Variants in PEAK3 observed in about 807,000 individuals in gnomAD.
PEAK3 encodes the protein protein PEAK3.
Under a neutral mutation model 13.3 loss-of-function variants are expected in PEAK3, and 15 were observed. The ratio of observed to expected loss-of-function variants is 1.13; its 90% CI spans 0.75 to 1.73. PEAK3 has a LOEUF of 1.73. Among genes scored for constraint, PEAK3 ranks in the 40% most tolerant of loss-of-function variants. The probability of loss-of-function intolerance (pLI) is 0.00; values close to 1 mark genes in which losing one functional copy is unlikely to be tolerated. For synonymous variants in PEAK3, 347 were observed against 341.9 expected, an observed-to-expected ratio of 1.01 and a Z score of -0.17; for missense variants, 739 against 690.2, an observed-to-expected ratio of 1.07 and a Z score of -0.79.
intron 3 of PEAK3, among the ~76,000 whole-genome samples, chr19:2,277,998 G>A (rs922054715): frequency 6.6e-6 from 1 of 151,310 alleles, no homozygotes; most frequent in Non-Finnish European, 1.5e-5. Context: ...CAAATAGCTG[G>A]GACTACAGGT....
rs1742647589 is a variant in PEAK3, at chr19:2,275,785, GGCCCGCTCTGCTAGGCGCAGGACCAGCA to G, written c.1289_1316del (p.Leu430ProfsTer120). On this transcript the variant is annotated frameshift_variant, in exon 4 of 4. Transcript: ENST00000342063. LOFTEE classifies it low-confidence loss of function (END_TRUNC). The stretch of plus-strand genomic sequence containing the variant: ...CGAGGCTGGGAGCTTCCCCACCTGC[GGCCCGCTCTGCTAGGCGCAGGACCAGCA>G]GCCCGCGGCGCACCCGCAGCCAGGG... 13 of 1,571,190 alleles carry G rather than the reference GGCCCGCTCTGCTAGGCGCAGGACCAGCA, an allele frequency of 8.3e-6. No individual in the cohort carries two copies. Among genetic ancestry groups the G allele is most frequent in the Middle Eastern group, 3.4e-4 (2 of 5,882 alleles).
chr19:2,280,151 C>A (rs1336597863), intron 2 of PEAK3, among the ~76,000 whole-genome samples: 1 of 146,142 alleles, frequency 6.8e-6, no homozygotes, highest in African/African-American at 2.5e-5. Context: ...CACCCTCTGC[C>A]TCACAGGTTC....
intron 3 of PEAK3, among the ~76,000 whole-genome samples, chr19:2,277,941 G>A (rs951020999): frequency 3.4e-5 from 5 of 148,966 alleles, no homozygotes; most frequent in South Asian, 2.1e-4. Flanking sequence ...TCGGCTCACC[G>A]CAAGCTCTGC....
At position 2,278,698 on chromosome 19, in the gene PEAK3, G is replaced by C; in HGVS notation, c.498C>G (p.His166Gln). 1 of 1,527,196 alleles carries C rather than the reference G, an allele frequency of 6.5e-7. No homozygotes were observed. The highest frequency in any genetic ancestry group is 2.3e-5 in the East Asian group (1 of 43,638). 94.6% of individuals were successfully genotyped at this position (1,527,196 alleles called of 1,614,324 possible). ...RLMGGHPGPC[H>Q]PGHSFRLLDS... ...CTAGGAGGCGGAAGCTGTGGCCGGGGTGGCAGGGCCCGGGGTGGCCCCCCA... is the reference window on the plus strand; with the variant it reads ...CTAGGAGGCGGAAGCTGTGGCCGGGCTGGCAGGGCCCGGGGTGGCCCCCCA... Residue 166 changes from histidine (H) to glutamine (Q), a missense_variant, in exon 3 of 4, where the codon CAC becomes CAG. By Grantham distance (24) the His-to-Gln change is conservative. Transcript: ENST00000342063.
At chr19:2,279,372 C>T (rs1301576428) in intron 2 of PEAK3, among the ~76,000 whole-genome samples, 2 of 151,994 alleles carry the variant, frequency 1.3e-5, no homozygotes, top group African/African-American at 2.4e-5. Context: ...ATTTGCCGGA[C>T]GCGGCCATGC....
In PEAK3 at chr19:2,278,656, T is replaced by C. The variant is rs1367080461; in HGVS notation, c.540A>G (p.Ala180=). ...SFRLLDSSPC[A]ESGDALYYRV... is the part of the protein sequence containing the mutation. ...GGTAATACAGGGCGTCCCCGCTCTC[T>C]GCGCAGGGTGAGCTGTCTAGGAGGC... The change falls in exon 3 of 4, where the codon GCA becomes GCG. Residue 180 remains alanine (A), a synonymous_variant. Transcript: ENST00000342063. 4.0e-6 allele frequency: 6 copies of C among 1,511,724 alleles called. No individual in the cohort carries two copies. Among genetic ancestry groups the C allele is most frequent in the Admixed American group, 4.5e-5 (2 of 44,346 alleles). The allele number at this position is 1,511,724 out of a possible 1,614,324, so 93.6% of individuals were successfully genotyped here.
Position 2,275,585 on chromosome 19 carries a change from A to G in PEAK3, c.*95T>C. The G allele has an allele frequency of 8.8e-7, 1 of 1,135,446 alleles. No individual in the cohort carries two copies. The highest frequency in any genetic ancestry group is 1.2e-6 in the Non-Finnish European group (1 of 867,350). 70.3% of individuals were successfully genotyped at this position (1,135,446 alleles called of 1,614,324 possible). A position where few individuals can be genotyped will look rare whatever the true frequency, so the allele number is the denominator to read the frequency against. On this transcript the variant is annotated 3_prime_UTR_variant, in exon 4 of 4. Coordinates refer to ENST00000342063, the MANE Select transcript of PEAK3 (RefSeq NM_198532.3). ...CTGCTGCGCTCCTGGACTCTGCAGG[A>G]AGAGGGTGTCTTGGCTATCATGGAG...
At chr19:2,279,714 C>T (rs538024657) in intron 2 of PEAK3, among the ~76,000 whole-genome samples, 106 of 151,754 alleles carry the variant, frequency 7.0e-4, no homozygotes, top group Non-Finnish European at 1.4e-3. Flanking sequence ...CAGCACTCAG[C>T]GACTCCCACT....
rs1271232956 is a variant in PEAK3 at position 2,275,761 on chromosome 19, G to T, written c.1341C>A (p.Leu447=). The change falls in exon 4 of 4, where the codon CTC becomes CTA. Residue 447 remains leucine, a synonymous_variant. Coordinates refer to ENST00000342063, the MANE Select transcript of PEAK3 (RefSeq NM_198532.3). ...ERAAGGEAPS[L]EDWLCCEYLA... ...GGTATTCGCAACACAGCCAGTCCTC[G>T]AGGCTGGGAGCTTCCCCACCTGCGG... The T allele has an allele frequency of 6.3e-7, 1 of 1,583,264 alleles. No individual in the cohort carries two copies. The highest frequency in any genetic ancestry group is 2.4e-5 in the East Asian group (1 of 42,208).
chr19:2,277,546 TCTTTTTTCTTCTCTTTTG>T (rs2025401697), intron 3 of PEAK3, among the ~76,000 whole-genome samples: 1 of 152,128 alleles, frequency 6.6e-6, no homozygotes, highest in African/African-American at 2.4e-5. Flanking sequence ...TCTTTTCTTT[TCTTTTTTCTTCTCTTTTG>T]TTTTTCTTTT....
Position 2,279,037 on chromosome 19 carries a change from C to A in PEAK3, c.159G>T (p.Glu53Asp), listed in dbSNP as rs749256901. The change falls in exon 3 of 4, where the codon GAG becomes GAT. Residue 53 changes from glutamate to aspartate, a missense_variant. Coordinates refer to ENST00000342063, the MANE Select transcript of PEAK3 (RefSeq NM_198532.3). ...TCTTGGGCAGGGGTGGGGGCAGGGG[C>A]TCTGGGTTGGTGGAGAGGGACCCAG... is the stretch of plus-strand genomic sequence containing the variant. ...RTPGSLSTNP[E>D]PLPPPLPKKI... 8 of 1,517,314 alleles carry A rather than the reference C, an allele frequency of 5.3e-6. No homozygotes were observed. The Admixed American group carries it at 6.3e-5, about 12-fold the overall frequency. 94.0% of individuals were successfully genotyped at this position (1,517,314 alleles called of 1,614,324 possible).
Position 2,275,755 on chromosome 19 carries a change from G to A in PEAK3, c.1347C>T (p.Asp449=). The A allele has an allele frequency of 6.3e-7, 1 of 1,583,434 alleles. No homozygotes were observed. Among genetic ancestry groups the A allele is most frequent in the Non-Finnish European group, 8.6e-7 (1 of 1,167,848 alleles). ...CGGCCAGGTATTCGCAACACAGCCA[G>A]TCCTCGAGGCTGGGAGCTTCCCCAC... ...AAGGEAPSLE[D]WLCCEYLAEA... is the part of the protein sequence containing the mutation. The change falls in exon 4 of 4, where the codon GAC becomes GAT. Residue 449 remains aspartate (D), a synonymous_variant. Coordinates refer to ENST00000342063, the MANE Select transcript of PEAK3 (RefSeq NM_198532.3).
Position 2,278,852 on chromosome 19 carries a change from C to A in PEAK3, c.344G>T (p.Gly115Val), listed in dbSNP as rs753086264. The change falls in exon 3 of 4, where the codon GGC becomes GTC. Residue 115 changes from glycine to valine, a missense_variant. By Grantham distance (109) the Gly-to-Val change is moderately radical. Coordinates refer to ENST00000342063, the MANE Select transcript of PEAK3 (RefSeq NM_198532.3). Reference sequence around the variant, plus strand: ...GAGGCCCAGTGGGGCGTCAGCCGGGCCAAAGGTCAGCTCTGCAGGGAGACA... The same window carrying A: ...GAGGCCCAGTGGGGCGTCAGCCGGGACAAAGGTCAGCTCTGCAGGGAGACA... ...PACLPAELTF[G>V]PADAPLGLSL... The A allele has an allele frequency of 3.8e-6, 6 of 1,597,524 alleles. No individual in the cohort carries two copies. The highest frequency in any genetic ancestry group is 5.1e-6 in the Non-Finnish European group (6 of 1,172,570).
chr19:2,278,098 C>A (rs1395636121), intron 3 of PEAK3, among the ~76,000 whole-genome samples: 1 of 151,150 alleles, frequency 6.6e-6, no homozygotes, highest in African/African-American at 2.4e-5. Context: ...CTCCTGACCT[C>A]GTGATCTGCC....
intron 3 of PEAK3, among the ~76,000 whole-genome samples, chr19:2,277,351 TA>T (rs573870590): frequency 5.3e-5 from 8 of 151,952 alleles, no homozygotes; most frequent in Non-Finnish European, 8.8e-5. Context: ...TCTGGCTGTG[TA>T]AAGGTGAGTA....
rs532315823 is a variant in PEAK3, at chr19:2,275,983, G to A, written c.1119C>T (p.Gly373=). The change falls in exon 4 of 4, where the codon GGC becomes GGT. Residue 373 remains glycine, a synonymous_variant. Coordinates refer to ENST00000342063, the MANE Select transcript of PEAK3 (RefSeq NM_198532.3). The part of the protein sequence containing the change: ...AAPSTTPLAA[G]LELLAAQLTR... ...TCAGCTGTGCTGCCAGGAGCTCCAG[G>A]CCCGCGGCCAAAGGCGTGGTCGAGG... The A allele has an allele frequency of 1.7e-4, 236 of 1,415,482 alleles. 3 individuals are homozygous for A. In the South Asian group the frequency reaches 3.3e-3, roughly 20 times the overall value. 87.7% of individuals were successfully genotyped at this position (1,415,482 alleles called of 1,614,324 possible).
In PEAK3 at chr19:2,274,838, G is replaced by A. The variant is rs1171264878; in HGVS notation, c.*842C>T. ...ATACAAAAAATTAGCCGGGCGTGGT[G>A]GCGGGCGCCTGTAGTCCCAGCTACT... On this transcript the variant is annotated 3_prime_UTR_variant, in exon 4 of 4. Coordinates refer to ENST00000342063, the MANE Select transcript of PEAK3 (RefSeq NM_198532.3). The A allele has an allele frequency of 1.3e-5, 2 of 150,408 alleles. No homozygotes were observed. Among genetic ancestry groups the A allele is most frequent in the Middle Eastern group, 3.2e-3 (1 of 316 alleles). 9.3% of individuals were successfully genotyped at this position (150,408 alleles called of 1,614,324 possible). A position where few individuals can be genotyped will look rare whatever the true frequency, so the allele number is the denominator to read the frequency against.
chr19:2,280,707 C>T, intron 2 of PEAK3, 143 bp downstream of exon 2: 1 of 667,322 alleles, frequency 1.5e-6, no homozygotes, highest in African/African-American at 1.9e-5. Flanking sequence ...CCGGAGGTCA[C>T]TCATTTTACC....
At position 2,275,749 on chromosome 19, in the gene PEAK3, C is replaced by T; in HGVS notation, c.1353G>A (p.Leu451=). The T allele has an allele frequency of 6.3e-7, 1 of 1,582,310 alleles. No homozygotes were observed. ...TGGCCTCGGCCAGGTATTCGCAACA[C>T]AGCCAGTCCTCGAGGCTGGGAGCTT... ...GGEAPSLEDW[L]CCEYLAEATE... Residue 451 remains leucine, a synonymous_variant, in exon 4 of 4, where the codon CTG becomes CTA. Transcript: ENST00000342063.
Sources: gnomAD v4.1 joint callset for allele counts (sites outside exome capture counted in the v4.1 genomes callset) on GRCh38, gnomAD v4.1.1 for gene constraint, MANE v1.5 for transcripts, NCBI Gene and HGNC (gene_info 2026-07-23, HGNC 2026-07-21) for gene names.